SORCS3: variants seen among roughly 807,000 people sequenced by gnomAD.
The protein encoded by SORCS3 is VPS10 domain-containing receptor SorCS3.
A neutral mutation model predicts 146.3 loss-of-function variants in SORCS3; 57 were observed. That is an observed-to-expected ratio of 0.39 (90% CI 0.31 to 0.49). The LOEUF is 0.49. Ranked by LOEUF, SORCS3 falls within the 20% of genes least tolerant of loss-of-function variation. SORCS3 has a pLI of 0.92. For synonymous variants in SORCS3, 653 were observed against 618.5 expected (o/e 1.06, Z -0.83); for missense variants, 1,341 against 1,575.5 (o/e 0.85, Z 2.52).
chr10:105,255,186 C>CAAAAA (rs35150065), intron 23 of SORCS3, among the ~76,000 whole-genome samples: 2 of 32,658 alleles, frequency 6.1e-5, no homozygotes, highest in Non-Finnish European at 1.2e-4. Context: ...GACTCAGTCT[C>CAAAAA]AAAAAAAAAA....
At chr10:105,128,534 C>G (rs577888949) in intron 7 of SORCS3, among the ~76,000 whole-genome samples, 1 of 152,174 alleles carries the variant, frequency 6.6e-6, no homozygotes, top group Admixed American at 6.5e-5. Flanking sequence ...TTGAACATGT[C>G]AATAAAATTA....
At chr10:104,699,142 G>C (rs1374178083) in intron 1 of SORCS3, among the ~76,000 whole-genome samples, 1 of 152,078 alleles carries the variant, frequency 6.6e-6, no homozygotes, top group Non-Finnish European at 1.5e-5. Flanking sequence ...AAGTCCCAAG[G>C]GTTTAGGTAT....
chr10:105,014,826 T>A lies in SORCS3; in HGVS notation c.955-28229T>A, dbSNP rs186277608. ...AGATCAAAGTTCTCCTCTTTTACCA[T>A]CTGAGAACAGAGCTAGAAGGTGCCA... is the stretch of plus-strand genomic sequence containing the variant. On this transcript the variant is annotated intron_variant, in intron 4 of 26. Coordinates refer to ENST00000369701, the MANE Select transcript of SORCS3 (RefSeq NM_014978.3). Among the ~76,000 whole-genome samples the A allele has an allele frequency of 4.0e-3, 605 of 152,276 alleles. 3 individuals carry two copies. Among genetic ancestry groups the A allele is most frequent in the Non-Finnish European group, 4.4e-3 (296 of 68,020 alleles).
chr10:104,887,846 G>A (rs1407169110), intron 2 of SORCS3, among the ~76,000 whole-genome samples: 4 of 151,896 alleles, frequency 2.6e-5, no homozygotes, highest in Non-Finnish European at 4.4e-5. Context: ...GCATCTGTCA[G>A]ATCTGGCAGT....
chr10:105,040,855 A>G (rs1287421317), intron 4 of SORCS3, among the ~76,000 whole-genome samples: 1 of 151,894 alleles, frequency 6.6e-6, no homozygotes, highest in Non-Finnish European at 1.5e-5. Flanking sequence ...TCAGTGTGGT[A>G]TAGCAGAAAC....
intron 6 of SORCS3, among the ~76,000 whole-genome samples, chr10:105,090,665 G>A (rs1322736900): frequency 6.6e-6 from 1 of 152,098 alleles, no homozygotes; most frequent in Non-Finnish European, 1.5e-5. Flanking sequence ...TGTGAGTTGG[G>A]GTACTCGGCT....
intron 1 of SORCS3, among the ~76,000 whole-genome samples, chr10:104,790,060 C>T (rs1383704551): frequency 6.6e-6 from 1 of 152,238 alleles, no homozygotes; most frequent in African/African-American, 2.4e-5. Context: ...GCAGGAGAGC[C>T]TGTCCAGGAT....
intron 1 of SORCS3, among the ~76,000 whole-genome samples, chr10:104,711,758 C>T (rs1258047238): frequency 6.6e-6 from 1 of 152,212 alleles, no homozygotes; most frequent in Non-Finnish European, 1.5e-5. Context: ...TTGGAAGCAT[C>T]ACAGGCTACT....
At chr10:105,217,642 A>C (rs767123084) in intron 19 of SORCS3, among the ~76,000 whole-genome samples, 3 of 152,236 alleles carry the variant, frequency 2.0e-5, no homozygotes, top group Non-Finnish European at 4.4e-5. Context: ...CTGCAAGTTC[A>C]TTCTGTTTTG....
intron 19 of SORCS3, among the ~76,000 whole-genome samples, chr10:105,221,500 A>G (rs370395211): frequency 1.4e-4 from 21 of 152,364 alleles, no homozygotes; most frequent in African/African-American, 5.0e-4. Context: ...TAAGGAAGGC[A>G]GAGCAAATGT....
intron 3 of SORCS3, among the ~76,000 whole-genome samples, chr10:104,946,932 G>T (rs1396569939): frequency 1.3e-5 from 2 of 152,176 alleles, no homozygotes; most frequent in African/African-American, 4.8e-5. Context: ...TGGGAGGGCA[G>T]ATGTAGCAGG....
chr10:105,225,035 CT>C (rs1220338868), intron 20 of SORCS3, among the ~76,000 whole-genome samples: 1 of 152,050 alleles, frequency 6.6e-6, no homozygotes, highest in Non-Finnish European at 1.5e-5. Context: ...TGTGGCTTAT[CT>C]TTTCAACTTC....
intron 2 of SORCS3, among the ~76,000 whole-genome samples, chr10:104,868,234 G>A (rs1484804047): frequency 6.6e-6 from 1 of 152,174 alleles, no homozygotes; most frequent in Non-Finnish European, 1.5e-5. Context: ...TGTAAATAAC[G>A]TGTGCAGCTA....
chr10:104,824,328 A>G (rs1450091021), intron 1 of SORCS3, among the ~76,000 whole-genome samples: 1 of 152,174 alleles, frequency 6.6e-6, no homozygotes, highest in Non-Finnish European at 1.5e-5. Context: ...TCTCCAACCT[A>G]GTGTAAGTCA....
intron 20 of SORCS3, among the ~76,000 whole-genome samples, chr10:105,242,907 A>G (rs1370837826): frequency 3.1e-5 from 2 of 64,768 alleles, no homozygotes; most frequent in Admixed American, 3.2e-4. Flanking sequence ...TATATAAATT[A>G]TATATATAAT....
chr10:104,934,182 G>A (rs950346640), intron 3 of SORCS3, among the ~76,000 whole-genome samples: 5 of 152,048 alleles, frequency 3.3e-5, no homozygotes, highest in African/African-American at 9.7e-5. Context: ...TTCCCAAAGC[G>A]CTATGGCAGC....
At chr10:104,861,626 G>T (rs554186638) in intron 2 of SORCS3, among the ~76,000 whole-genome samples, 1 of 152,118 alleles carries the variant, frequency 6.6e-6, no homozygotes, top group African/African-American at 2.4e-5. Flanking sequence ...TGCTTGCCCC[G>T]GTGTGGAGGC....
At chr10:104,983,650 G>A (rs1028458474) in intron 4 of SORCS3, among the ~76,000 whole-genome samples, 1 of 152,000 alleles carries the variant, frequency 6.6e-6, no homozygotes, top group African/African-American at 2.4e-5. Flanking sequence ...TGTACGTGCT[G>A]TTTTTTTCTG....
intron 1 of SORCS3, among the ~76,000 whole-genome samples, chr10:104,749,257 G>GTA (rs2016954691): frequency 6.6e-6 from 1 of 151,140 alleles, no homozygotes; most frequent in Non-Finnish European, 1.5e-5. Flanking sequence ...GTGTGTGTGT[G>GTA]TGTGTGTGTG....
Sources: gnomAD v4.1 joint callset for allele counts (sites outside exome capture counted in the v4.1 genomes callset) on GRCh38, gnomAD v4.1.1 for gene constraint, MANE v1.5 for transcripts, NCBI Gene and HGNC (gene_info 2026-07-23, HGNC 2026-07-21) for gene names.